The following BBOF1 variants were observed in gnomAD, a reference collection of about 807,000 sequenced individuals.
BBOF1 encodes basal body orientation factor 1, also known as basal body-orientation factor 1.
A neutral mutation model predicts 68.0 loss-of-function variants in BBOF1; 62 were observed. The observed-to-expected ratio is 0.91, with a 90% confidence interval of 0.74 to 1.13. The LOEUF is 1.13. Ranked by LOEUF, BBOF1 falls within the 50% of genes most tolerant of loss-of-function variation. The pLI is 0.00. For synonymous variants in BBOF1, 208 were observed against 198.8 expected (o/e 1.05, Z -0.39); for missense variants, 534 against 600.1 (o/e 0.89, Z 1.15).
At chr14:74,056,356 G>T (rs2060204800) in intron 9 of BBOF1, among the ~76,000 whole-genome samples, 1 of 151,764 alleles carries the variant, frequency 6.6e-6, no homozygotes, top group Non-Finnish European at 1.5e-5. Flanking sequence ...CCACCACCAT[G>T]CCTGGCTAAT....
chr14:74,057,897 G>A (rs2060253997), intron 11 of BBOF1: 1 of 996,624 alleles, frequency 1.0e-6, no homozygotes, highest in Non-Finnish European at 1.2e-6. Context: ...TCTGATTAGT[G>A]TGTTTTTTTA....
chr14:74,067,312 G>C (rs144243394), downstream of BBOF1: 1,666 of 1,575,292 alleles, frequency 1.1e-3, 13 homozygotes, highest in African/African-American at 0.02. Flanking sequence ...GCCAAGGCCA[G>C]TGACAGAACC....
At chr14:74,023,754 A>G (rs1244184839) in intron 2 of BBOF1, among the ~76,000 whole-genome samples, 1 of 151,856 alleles carries the variant, frequency 6.6e-6, no homozygotes, top group Non-Finnish European at 1.5e-5. Flanking sequence ...CGTCTCTACT[A>G]AAATACAAAA....
At chr14:74,052,139 T>C (rs1055459207) in intron 8 of BBOF1, among the ~76,000 whole-genome samples, 2 of 151,794 alleles carry the variant, frequency 1.3e-5, no homozygotes, top group African/African-American at 4.9e-5. Flanking sequence ...GTCCCTACCA[T>C]ATATAAGGCA....
chr14:74,045,172 T>C lies in BBOF1; in HGVS notation c.577-888T>C, dbSNP rs527931479. ...TGGCACATAGTAAATGCTCAAAACA[T>C]GATAATTATTGCTTATTGTTTAGAT... is the stretch of plus-strand genomic sequence containing the variant. On this transcript the variant is annotated intron_variant, in intron 5 of 11. Coordinates refer to ENST00000394009, the MANE Select transcript of BBOF1 (RefSeq NM_025057.3). Among the ~76,000 whole-genome samples the C allele has an allele frequency of 7.8e-4, 119 of 152,272 alleles. 1 individual carries two copies. The highest frequency in any genetic ancestry group is 2.7e-3 in the African/African-American group (114 of 41,564).
intron 10 of BBOF1, 46 bp from the exon 11 acceptor site, chr14:74,057,098 T>A: frequency 6.2e-7 from 1 of 1,601,674 alleles, no homozygotes; most frequent in Non-Finnish European, 8.5e-7. Flanking sequence ...CCAGGTTTCA[T>A]GTGTGTAGAG....
At chr14:74,032,196 G>A (rs1303819961) in intron 3 of BBOF1, among the ~76,000 whole-genome samples, 2 of 140,210 alleles carry the variant, frequency 1.4e-5, no homozygotes, top group Admixed American at 7.8e-5. Flanking sequence ...GCACGATCTC[G>A]GCTGACTGCA....
At chr14:74,075,677 A>G (rs983799337) in intron 9 of BBOF1, among the ~76,000 whole-genome samples, 1 of 152,114 alleles carries the variant, frequency 6.6e-6, no homozygotes, top group African/African-American at 2.4e-5. Flanking sequence ...ATCAATGTAA[A>G]TATAAATATA....
At position 74,029,208 on chromosome 14, in the gene BBOF1, A is replaced by G. The variant is rs1477616687; in HGVS notation, c.310A>G (p.Asn104Asp). ...GATTGAAAAACTGAAACAGCAATTA[A>G]ATGAAACAAAGGAAAAAGCCCAAGA... ...NMIEKLKQQL[N>D]ETKEKAQEEK... The change falls in exon 3 of 12, where the codon AAT becomes GAT. Residue 104 changes from asparagine (N) to aspartate (D), a missense_variant. Physicochemically the swap from Asn to Asp is conservative, Grantham distance 23 (BLOSUM62 1). Transcript: ENST00000394009. The G allele has an allele frequency of 1.3e-6, 2 of 1,562,168 alleles. No homozygotes were observed. Among genetic ancestry groups the G allele is most frequent in the Non-Finnish European group, 1.7e-6 (2 of 1,151,240 alleles).
At chr14:74,030,762 G>A (rs568917058) in intron 3 of BBOF1, among the ~76,000 whole-genome samples, 1 of 152,090 alleles carries the variant, frequency 6.6e-6, no homozygotes, top group South Asian at 2.1e-4. Flanking sequence ...CTCCCAAAGT[G>A]CTGAGAAATC....
chr14:74,020,867 C>T (rs151252013), intron 1 of BBOF1, among the ~76,000 whole-genome samples: 41 of 152,252 alleles, frequency 2.7e-4, no homozygotes, highest in Non-Finnish European at 5.6e-4. Context: ...CAGTGTATCA[C>T]TAGTGCCTAA....
At chr14:74,021,403 T>C (rs35198825) in intron 1 of BBOF1, among the ~76,000 whole-genome samples, 17,375 of 151,890 alleles carry the variant, frequency 0.11, 1,300 homozygotes, top group Admixed American at 0.19. Flanking sequence ...CTGAACAACA[T>C]AGGAAGACCC....
intron 5 of BBOF1, among the ~76,000 whole-genome samples, chr14:74,044,842 T>C (rs944462250): frequency 2.6e-5 from 4 of 152,092 alleles, no homozygotes; most frequent in Non-Finnish European, 4.4e-5. Context: ...AAAGAATCGA[T>C]TGAACCCAGG....
At chr14:74,047,823 A>G in intron 6 of BBOF1, 107 bp from the exon 7 acceptor site, 1 of 908,010 alleles carries the variant, frequency 1.1e-6, no homozygotes, top group Non-Finnish European at 1.6e-6. Flanking sequence ...AATAGGTGGT[A>G]GTCACTATTG....
chr14:74,042,563 C>T (rs904296152), intron 5 of BBOF1, among the ~76,000 whole-genome samples: 2 of 152,256 alleles, frequency 1.3e-5, no homozygotes, highest in South Asian at 2.1e-4. Context: ...AAGGGAGGCT[C>T]CAGCTGTGTC....
intron 2 of BBOF1, among the ~76,000 whole-genome samples, chr14:74,023,939 A>C (rs556053044): frequency 6.6e-6 from 1 of 151,214 alleles, no homozygotes; most frequent in Non-Finnish European, 1.5e-5. Flanking sequence ...AAAAAAAAAA[A>C]AAAAGAAAAG....
downstream of BBOF1, chr14:74,069,121 T>C (rs1377890623): frequency 6.3e-6 from 6 of 949,778 alleles, no homozygotes; most frequent in African/African-American, 3.4e-5. Flanking sequence ...TTTTTTTTTT[T>C]TGAGACGGAG....
intron 9 of BBOF1, among the ~76,000 whole-genome samples, chr14:74,077,544 C>T (rs983258643): frequency 6.6e-6 from 1 of 152,054 alleles, no homozygotes; most frequent in African/African-American, 2.4e-5. Flanking sequence ...TGTGAAGAGG[C>T]AAAACTGGGG....
At chr14:74,062,914 C>T (rs1393290776) in intron 11 of BBOF1, among the ~76,000 whole-genome samples, 1 of 152,104 alleles carries the variant, frequency 6.6e-6, no homozygotes, top group African/African-American at 2.4e-5. Context: ...AAGAACTTCC[C>T]CTAGCCTATT....
Sources: allele counts gnomAD v4.1 joint callset (sites outside exome capture counted in the v4.1 genomes callset), GRCh38; gene constraint gnomAD v4.1.1; transcripts MANE v1.5; gene names NCBI Gene and HGNC (gene_info 2026-07-23, HGNC 2026-07-21).